The following RALGAPA2 variants were observed in gnomAD, a reference collection of about 807,000 sequenced individuals.
RALGAPA2 encodes Ral GTPase activating protein catalytic subunit alpha 2.
In RALGAPA2, 139 loss-of-function variants were observed where a neutral mutation model predicts 230.4. That is an observed-to-expected ratio of 0.60 (90% CI 0.53 to 0.69). The LOEUF is 0.69. Ranked by LOEUF, RALGAPA2 falls within the 30% of genes least tolerant of loss-of-function variation. RALGAPA2 has a pLI of 0.00. For missense variants in RALGAPA2, 2,163 were observed against 2,276.0 expected (o/e 0.95, Z 1.01); for synonymous variants, 847 against 837.8 (o/e 1.01, Z -0.19).
At chr20:20,488,040 C>T (rs2061958219) in intron 36 of RALGAPA2, among the ~76,000 whole-genome samples, 1 of 152,078 alleles carries the variant, frequency 6.6e-6, no homozygotes, top group South Asian at 2.1e-4. Context: ...CCTGTGCATG[C>T]CAAAATCCAA....
chr20:20,549,247 G>C (rs569642526), intron 23 of RALGAPA2, among the ~76,000 whole-genome samples: 1 of 152,244 alleles, frequency 6.6e-6, no homozygotes, highest in East Asian at 1.9e-4. Flanking sequence ...ATGTGTAAAG[G>C]CAACAATCTG....
chr20:20,406,736 C>G (rs963246777), intron 38 of RALGAPA2, among the ~76,000 whole-genome samples: 1 of 152,126 alleles, frequency 6.6e-6, no homozygotes, highest in Non-Finnish European at 1.5e-5. Flanking sequence ...ACATGGTGAA[C>G]CCCTGTCTCT....
At chr20:20,409,055 C>T (rs1223319475) in intron 38 of RALGAPA2, among the ~76,000 whole-genome samples, 2 of 152,162 alleles carry the variant, frequency 1.3e-5, no homozygotes, top group African/African-American at 4.8e-5. Context: ...GCAGCTACAC[C>T]ACCATGTGTG....
chr20:20,572,028 T>C lies in RALGAPA2; in HGVS notation c.2902-82A>G, dbSNP rs375656930. 673 of 912,492 alleles carry C rather than the reference T, an allele frequency of 7.4e-4. 14 individuals are homozygous for C. Among genetic ancestry groups the C allele is most frequent in the South Asian group, 6.4e-3 (426 of 66,850 alleles). 56.5% of individuals were successfully genotyped at this position (912,492 alleles called of 1,614,324 possible). On this transcript the variant is annotated intron_variant, in intron 21 of 39. Coordinates refer to ENST00000202677, the MANE Select transcript of RALGAPA2 (RefSeq NM_020343.4). ...ATTTCAACAGTCTTCTGTGACCATA[T>C]AGCTGCTTTCAGTTAATTTCTATAA...
intron 37 of RALGAPA2, among the ~76,000 whole-genome samples, chr20:20,467,588 T>C (rs1413260833): frequency 1.3e-5 from 2 of 152,144 alleles, no homozygotes; most frequent in Non-Finnish European, 1.5e-5. Context: ...GATTGATTGA[T>C]TGATTGTATT....
chr20:20,654,319 G>A (rs1384151432), intron 3 of RALGAPA2, among the ~76,000 whole-genome samples: 1 of 152,130 alleles, frequency 6.6e-6, no homozygotes, highest in Non-Finnish European at 1.5e-5. Context: ...CTCCCAAGTA[G>A]CTGGGATTAC....
At chr20:20,591,432 A>G in intron 16 of RALGAPA2, 118 bp from the exon 17 acceptor site, 1 of 1,213,428 alleles carries the variant, frequency 8.2e-7, no homozygotes, top group East Asian at 2.6e-5. Flanking sequence ...AATAATTTAT[A>G]GTCAGATAAT....
intron 38 of RALGAPA2, among the ~76,000 whole-genome samples, chr20:20,405,109 G>A (rs1435182680): frequency 2.6e-5 from 4 of 152,192 alleles, no homozygotes; most frequent in African/African-American, 4.8e-5. Context: ...CCAACTGGCA[G>A]GATGCTTAGT....
chr20:20,493,649 T>A (rs1225564391), intron 36 of RALGAPA2, among the ~76,000 whole-genome samples: 2 of 152,190 alleles, frequency 1.3e-5, no homozygotes, highest in Non-Finnish European at 2.9e-5. Context: ...AGCCAATTAA[T>A]CCATACTAAA....
rs1010971114 is a variant in RALGAPA2, at chr20:20,637,349, C to G, written c.805+14G>C. On this transcript the variant is annotated intron_variant, in intron 8 of 39. Transcript: ENST00000202677. ...CTTTGGATATCCTCTATACACGGCTCCAACAGTACTTACCAAGTACAGGTT... is the reference window on the plus strand; with the variant it reads ...CTTTGGATATCCTCTATACACGGCTGCAACAGTACTTACCAAGTACAGGTT... The G allele has an allele frequency of 1.9e-6, 3 of 1,581,150 alleles. No individual in the cohort carries two copies. Among genetic ancestry groups the G allele is most frequent in the Admixed American group, 1.8e-5 (1 of 54,258 alleles).
intron 37 of RALGAPA2, among the ~76,000 whole-genome samples, chr20:20,442,921 T>C (rs956745417): frequency 2.6e-5 from 4 of 152,196 alleles, no homozygotes; most frequent in African/African-American, 9.6e-5. Flanking sequence ...TAAGGCTTGA[T>C]ACAAGGACAT....
intron 23 of RALGAPA2, among the ~76,000 whole-genome samples, chr20:20,552,261 C>T (rs1473897197): frequency 6.6e-6 from 1 of 152,198 alleles, no homozygotes; most frequent in Non-Finnish European, 1.5e-5. Flanking sequence ...CCCTGCCTTT[C>T]CTTCGTGGAC....
At chr20:20,616,486 T>G (rs968465973) in intron 12 of RALGAPA2, among the ~76,000 whole-genome samples, 3 of 152,138 alleles carry the variant, frequency 2.0e-5, no homozygotes, top group African/African-American at 7.2e-5. Context: ...GAAAAGCTTT[T>G]GAAGACTTTT....
Position 20,550,433 on chromosome 20 carries a change from T to C in RALGAPA2, c.3157-3601A>G, listed in dbSNP as rs76592634. ...TCTGAGAGCAGCTCTCCTTGTTGAA[T>C]ATAAGCACAGAATGCAATGTCAGGG... On this transcript the variant is annotated intron_variant, in intron 23 of 39. Coordinates refer to ENST00000202677, the MANE Select transcript of RALGAPA2 (RefSeq NM_020343.4). 7.3e-3 allele frequency among the ~76,000 whole-genome samples: 1,119 copies of C among 152,308 alleles called. 11 individuals carry two copies. The highest frequency in any genetic ancestry group is 0.026 in the African/African-American group (1,072 of 41,562).
At chr20:20,498,471 G>A (rs573011636) in intron 35 of RALGAPA2, among the ~76,000 whole-genome samples, 5 of 152,276 alleles carry the variant, frequency 3.3e-5, no homozygotes, top group South Asian at 2.1e-4. Context: ...TGGTGACACC[G>A]GTCATGGTAC....
At chr20:20,624,730 T>C (rs950993132) in intron 10 of RALGAPA2, among the ~76,000 whole-genome samples, 2 of 152,222 alleles carry the variant, frequency 1.3e-5, no homozygotes, top group African/African-American at 4.8e-5. Flanking sequence ...AACGTTATTA[T>C]AATTTTTTTT....
At chr20:20,603,033 C>T (rs572611181) in intron 15 of RALGAPA2, among the ~76,000 whole-genome samples, 21 of 152,198 alleles carry the variant, frequency 1.4e-4, no homozygotes, top group African/African-American at 4.8e-4. Flanking sequence ...TCTCAGGCCC[C>T]GGGTTTACAC....
In RALGAPA2 at chr20:20,662,693, C is replaced by T. The variant is rs145042689; in HGVS notation, c.271-9106G>A. ...AGTCTTATTAAGTGCCCATTATGTG[C>T]GAGGTACCATGTGAGGGATCAGAGA... On this transcript the variant is annotated intron_variant, in intron 3 of 39. Transcript: ENST00000202677. Among the ~76,000 whole-genome samples, 62 of 152,114 alleles carry T rather than the reference C, an allele frequency of 4.1e-4. 1 individual carries two copies. In the East Asian group the frequency reaches 0.011, roughly 27 times the overall value.
In RALGAPA2 at chr20:20,437,529, GCC is replaced by G. The variant is rs989040876; in HGVS notation, c.5496-25383_5496-25382del. On this transcript the variant is annotated intron_variant, in intron 37 of 39. Transcript: ENST00000202677. The surrounding 1 kb of genome is among the most constrained non-coding windows in gnomAD (Gnocchi z 4.1). ...TCCTTACTGTGGCTGGCAAGGCCCTGCCCCACTGGGTGCCTGCCCCTGCTGTC... is the reference window on the plus strand; with the variant it reads ...TCCTTACTGTGGCTGGCAAGGCCCTGCCACTGGGTGCCTGCCCCTGCTGTC... 6.6e-6 allele frequency among the ~76,000 whole-genome samples: 1 copy of G among 152,192 alleles called. No individual in the cohort carries two copies. The highest frequency in any genetic ancestry group is 1.5e-5 in the Non-Finnish European group (1 of 68,034).
Sources: gnomAD v4.1 joint callset for allele counts (sites outside exome capture counted in the v4.1 genomes callset) on GRCh38, gnomAD v4.1.1 for gene constraint, Gnocchi (gnomAD v3.1) non-coding constraint, MANE v1.5 for transcripts, NCBI Gene and HGNC (gene_info 2026-07-23, HGNC 2026-07-21) for gene names.